CLIP1: variants seen among roughly 807,000 people sequenced by gnomAD.
CLIP1 encodes the protein CAP-Gly domain containing linker protein 1.
Under a neutral mutation model 161.6 loss-of-function variants are expected in CLIP1, and 66 were observed. The ratio of observed to expected loss-of-function variants is 0.41; its 90% confidence interval spans 0.33 to 0.50. CLIP1 has a LOEUF of 0.50. CLIP1 is among the 20% of genes least tolerant of loss of function. CLIP1 has a pLI of 0.27. For missense variants in CLIP1, 1,376 were observed against 1,702.0 expected, an observed-to-expected ratio of 0.81 and a Z score of 3.37; for synonymous variants, 598 against 626.2, an observed-to-expected ratio of 0.96 and a Z score of 0.67.
chr12:122,298,596 C>CAAA (rs58917162), intron 20 of CLIP1, among the ~76,000 whole-genome samples: 1 of 62,066 alleles, frequency 1.6e-5, no homozygotes, highest in Admixed American at 1.9e-4. Flanking sequence ...CACTCTGTCT[C>CAAA]AAAAAAAAAA....
chr12:122,378,391 T>G (rs926015095), intron 2 of CLIP1, among the ~76,000 whole-genome samples: 1 of 152,204 alleles, frequency 6.6e-6, no homozygotes, highest in Non-Finnish European at 1.5e-5. Flanking sequence ...CTCACCAAAG[T>G]GTTTTTGTTT....
chr12:122,385,583 T>C (rs1189864672), intron 1 of CLIP1, among the ~76,000 whole-genome samples: 1 of 152,134 alleles, frequency 6.6e-6, no homozygotes, highest in Non-Finnish European at 1.5e-5. Context: ...GGCCTGAGTA[T>C]TGAAAGGACT....
intron 4 of CLIP1, among the ~76,000 whole-genome samples, chr12:122,363,515 T>C (rs1403327685): frequency 2.0e-5 from 3 of 147,782 alleles, no homozygotes; most frequent in African/African-American, 5.0e-5. Context: ...AAAAAAAGAA[T>C]GGGGTTATCC....
chr12:122,355,160 C>A lies in CLIP1; in HGVS notation c.1158G>T (p.Gly386=). 6.2e-7 allele frequency: 1 copy of A among 1,614,218 alleles called. No homozygotes were observed. The highest frequency in any genetic ancestry group is 8.5e-7 in the Non-Finnish European group (1 of 1,180,026). The change falls in exon 6 of 26, where the codon GGG becomes GGT. Residue 386 remains glycine (G), a synonymous_variant. Coordinates refer to ENST00000620786, the MANE Select transcript of CLIP1 (RefSeq NM_001247997.2). The surrounding 1 kb of genome is among the most constrained non-coding windows in gnomAD (Gnocchi z 4.1). ...AEVAKATSHV[G]EIEQELALAR... ...CCAGAGCTAGCTCCTGCTCTATCTC[C>A]CCCACGTGGCTCGTGGCCTTGGCCA...
Position 122,272,946 on chromosome 12 carries a change from G to A in CLIP1, c.4246C>T (p.Arg1416Cys), listed in dbSNP as rs999756920. Reference protein sequence around the residue: ...STHHGSRGEERPYCEICEMFG... With the variant: ...STHHGSRGEECPYCEICEMFG... ...ATCTCACAGATTTCACAGTATGGGCGTTCCTCACCCCGACTGCCATGGTGT... is the reference window on the plus strand; with the variant it reads ...ATCTCACAGATTTCACAGTATGGGCATTCCTCACCCCGACTGCCATGGTGT... Residue 1416 changes from arginine to cysteine, a missense_variant, in exon 26 of 26, where the codon CGC becomes TGC. Transcript: ENST00000620786. 5.6e-6 allele frequency: 9 copies of A among 1,614,064 alleles called. No individual in the cohort carries two copies. The highest frequency in any genetic ancestry group is 1.7e-5 in the Admixed American group (1 of 59,990).
chr12:122,356,120 G>C (rs927294921), intron 5 of CLIP1: 4 of 152,124 alleles, frequency 2.6e-5, no homozygotes, highest in African/African-American at 7.2e-5. Context: ...AACATACCAG[G>C]AAGAAACTCC....
At chr12:122,380,631 A>C in intron 1 of CLIP1, 73 bp from the exon 2 acceptor site, 1 of 432,684 alleles carries the variant, frequency 2.3e-6, no homozygotes. Context: ...GCTTTCATAG[A>C]CTAAAGCTTT....
intron 19 of CLIP1, among the ~76,000 whole-genome samples, chr12:122,310,103 C>G (rs1248013638): frequency 6.6e-6 from 1 of 152,152 alleles, no homozygotes; most frequent in Non-Finnish European, 1.5e-5. Flanking sequence ...TTTTCAGAAC[C>G]TAATAAACCC....
chr12:122,294,883 T>C (rs949238902), intron 20 of CLIP1, among the ~76,000 whole-genome samples: 1 of 151,764 alleles, frequency 6.6e-6, no homozygotes, highest in Non-Finnish European at 1.5e-5. Flanking sequence ...TGAAACTCCG[T>C]CTCTACTAAA....
At chr12:122,417,142 C>A (rs901034103) in intron 1 of CLIP1, among the ~76,000 whole-genome samples, 4 of 150,446 alleles carry the variant, frequency 2.7e-5, no homozygotes, top group African/African-American at 9.8e-5. Flanking sequence ...ACTAAAAATA[C>A]AAAAATTAGC....
At position 122,396,933 on chromosome 12, in the gene CLIP1, A is replaced by ATTTTT. The variant is rs34381270; in HGVS notation, c.-106-16380_-106-16376dup. Among the ~76,000 whole-genome samples the ATTTTT allele has an allele frequency of 3.5e-4, 26 of 75,056 alleles. 1 individual carries two copies. The highest frequency in any genetic ancestry group is 2.4e-3 in the South Asian group (4 of 1,702). 49.2% of individuals were successfully genotyped at this position (75,056 alleles called of 152,430 possible). ...AGGCAGACACCACCACACCCGGCAA[A>ATTTTT]TTTTTTTTTTTTTTTTTTTTTTTTT... On this transcript the variant is annotated intron_variant, in intron 1 of 25. Coordinates refer to ENST00000620786, the MANE Select transcript of CLIP1 (RefSeq NM_001247997.2).
At chr12:122,342,014 C>A (rs1173089080) in intron 10 of CLIP1, 1 of 170,516 alleles carries the variant, frequency 5.9e-6, no homozygotes, top group African/African-American at 2.4e-5. Context: ...AAACTCCTGA[C>A]CTCAGGTGAT....
Position 122,355,376 on chromosome 12 carries a change from T to G in CLIP1, c.1006-64A>C, listed in dbSNP as rs1953285194. Reference sequence around the variant, plus strand: ...TGTCAGAAAAGCGAGGGAGGCGCGATGCATGCATGGCGGGCATCTGCTCGG... The same window carrying G: ...TGTCAGAAAAGCGAGGGAGGCGCGAGGCATGCATGGCGGGCATCTGCTCGG... On this transcript the variant is annotated intron_variant, in intron 5 of 25. Coordinates refer to ENST00000620786, the MANE Select transcript of CLIP1 (RefSeq NM_001247997.2). This position sits in a 1 kb window ranked among gnomAD's most constrained non-coding sequence, Gnocchi z 4.1. 5 of 1,462,662 alleles carry G rather than the reference T, an allele frequency of 3.4e-6. No homozygotes were observed. The highest frequency in any genetic ancestry group is 4.7e-6 in the Non-Finnish European group (5 of 1,054,672). The allele number at this position is 1,462,662 out of a possible 1,614,324, so 90.6% of individuals were successfully genotyped here.
chr12:122,371,124 C>G (rs1444406155), intron 3 of CLIP1, among the ~76,000 whole-genome samples: 2 of 152,152 alleles, frequency 1.3e-5, no homozygotes, highest in African/African-American at 4.8e-5. Context: ...TACCAAGTGT[C>G]TGAGGCTCAA....
At chr12:122,297,599 T>C (rs369059133) in intron 20 of CLIP1, among the ~76,000 whole-genome samples, 1 of 152,292 alleles carries the variant, frequency 6.6e-6, no homozygotes. Flanking sequence ...GCAAGTGTTC[T>C]GAGGTCCAAA....
intron 3 of CLIP1, among the ~76,000 whole-genome samples, chr12:122,368,909 AAAAAT>A (rs1566183256): frequency 3.3e-5 from 5 of 152,132 alleles, no homozygotes; most frequent in South Asian, 4.1e-4. Flanking sequence ...TCAATAAAAA[AAAAAT>A]AAAATAAAAT....
chr12:122,294,335 A>AC (rs1424750967), intron 20 of CLIP1, among the ~76,000 whole-genome samples: 1 of 142,354 alleles, frequency 7.0e-6, no homozygotes, highest in Middle Eastern at 3.5e-3. Flanking sequence ...TCTCAAAAAA[A>AC]AAAAAAAACA....
intron 25 of CLIP1, among the ~76,000 whole-genome samples, chr12:122,273,541 C>T (rs1249038652): frequency 5.9e-5 from 9 of 152,120 alleles, no homozygotes; most frequent in South Asian, 2.1e-4. Flanking sequence ...GTGGCCACCA[C>T]GCCAGCCTCA....
intron 5 of CLIP1, among the ~76,000 whole-genome samples, chr12:122,356,429 T>C (rs1953366490): frequency 6.6e-6 from 1 of 152,166 alleles, no homozygotes; most frequent in Admixed American, 6.5e-5. Context: ...AAGCTGGGTT[T>C]TGGCTATTCC....
Sources: gnomAD v4.1 joint callset for allele counts (sites outside exome capture counted in the v4.1 genomes callset) on GRCh38, gnomAD v4.1.1 for gene constraint, Gnocchi (gnomAD v3.1) non-coding constraint, MANE v1.5 for transcripts, NCBI Gene and HGNC (gene_info 2026-07-23, HGNC 2026-07-21) for gene names.